The following ATP8B4 variants were observed in gnomAD, a reference collection of about 807,000 sequenced individuals.
ATP8B4 encodes the protein probable phospholipid-transporting ATPase IM.
In ATP8B4, 133 loss-of-function variants were observed where a neutral mutation model predicts 145.6. That is an observed-to-expected ratio of 0.91 (90% CI 0.79 to 1.05). The LOEUF is 1.05. ATP8B4 is among the 50% of genes least tolerant of loss of function. The pLI, the probability that ATP8B4 is intolerant of heterozygous loss-of-function variation, is 0.00. For missense variants in ATP8B4, 1,458 were observed against 1,425.2 expected (o/e 1.02, Z -0.37); for synonymous variants, 507 against 492.9 (o/e 1.03, Z -0.38).
chr15:49,881,862 A>T (rs147934232), intron 23 of ATP8B4, among the ~76,000 whole-genome samples: 228 of 152,386 alleles, frequency 1.5e-3, no homozygotes, highest in African/African-American at 5.1e-3. Flanking sequence ...GTACCAATGA[A>T]CTAACAAGAC....
At chr15:49,867,931 C>G (rs1031463187) in intron 25 of ATP8B4, among the ~76,000 whole-genome samples, 5 of 151,944 alleles carry the variant, frequency 3.3e-5, no homozygotes, top group Non-Finnish European at 7.4e-5. Context: ...CAATAGAGAA[C>G]AAAGACTTGG....
intron 11 of ATP8B4, among the ~76,000 whole-genome samples, chr15:49,980,080 C>T (rs184196063): frequency 6.6e-6 from 1 of 152,240 alleles, no homozygotes; most frequent in African/African-American, 2.4e-5. Context: ...AAAATGGAAG[C>T]ACAAGAAAGA....
intron 4 of ATP8B4, 30 bp downstream of exon 4, chr15:50,047,321 G>A (rs1225174007): frequency 4.4e-6 from 6 of 1,348,326 alleles, no homozygotes; most frequent in African/African-American, 4.3e-5. Flanking sequence ...TAAACAAACA[G>A]ATAATAGAGA....
At chr15:50,016,107 G>C (rs967708788) in intron 6 of ATP8B4, among the ~76,000 whole-genome samples, 1 of 152,170 alleles carries the variant, frequency 6.6e-6, no homozygotes, top group Non-Finnish European at 1.5e-5. Context: ...ACACAATTTA[G>C]TCTTCCTATT....
At chr15:50,007,253 T>C (rs1433929199) in intron 7 of ATP8B4, among the ~76,000 whole-genome samples, 2 of 152,218 alleles carry the variant, frequency 1.3e-5, no homozygotes, top group Non-Finnish European at 2.9e-5. Context: ...CTAGAAGTTA[T>C]GCATCTGCAC....
chr15:49,913,714 T>G (rs2039463581), intron 20 of ATP8B4, among the ~76,000 whole-genome samples: 1 of 152,166 alleles, frequency 6.6e-6, no homozygotes, highest in Non-Finnish European at 1.5e-5. Context: ...GTAGTGTTTC[T>G]ATACACCAAT....
chr15:50,046,293 C>A (rs1175885928), intron 4 of ATP8B4, among the ~76,000 whole-genome samples: 1 of 152,164 alleles, frequency 6.6e-6, no homozygotes, highest in Non-Finnish European at 1.5e-5. Flanking sequence ...CTCTCCCCCT[C>A]CCCCTCTCTG....
chr15:50,014,324 T>C (rs1249920414), intron 6 of ATP8B4, among the ~76,000 whole-genome samples: 2 of 152,142 alleles, frequency 1.3e-5, no homozygotes, highest in Non-Finnish European at 2.9e-5. Context: ...GCTCATACAC[T>C]TTTTTTGTTC....
intron 7 of ATP8B4, among the ~76,000 whole-genome samples, chr15:50,003,505 C>T (rs919208865): frequency 1.3e-5 from 2 of 151,882 alleles, no homozygotes; most frequent in South Asian, 2.1e-4. Flanking sequence ...AAAGTGATGC[C>T]GCTCTTGGGC....
intron 14 of ATP8B4, among the ~76,000 whole-genome samples, chr15:49,950,457 A>T (rs1211229538): frequency 3.3e-5 from 5 of 151,908 alleles, no homozygotes; most frequent in Admixed American, 6.6e-5. Flanking sequence ...AGAGGTGTTT[A>T]TAGTATTCTC....
intron 14 of ATP8B4, among the ~76,000 whole-genome samples, chr15:49,946,747 G>T (rs2042601234): frequency 6.6e-6 from 1 of 152,080 alleles, no homozygotes; most frequent in Admixed American, 6.5e-5. Context: ...TTATCATGGT[G>T]GTGTATTGAA....
chr15:49,954,149 G>C (rs2043344493), intron 14 of ATP8B4, among the ~76,000 whole-genome samples: 1 of 152,126 alleles, frequency 6.6e-6, no homozygotes, highest in Non-Finnish European at 1.5e-5. Context: ...CCCTACTTTT[G>C]AGGGTTTGGG....
At chr15:50,087,229 T>G (rs1483638555) in intron 2 of ATP8B4, among the ~76,000 whole-genome samples, 12 of 131,242 alleles carry the variant, frequency 9.1e-5, no homozygotes, top group African/African-American at 3.2e-4. Context: ...AGATCTATAT[T>G]TATTATATAT....
intron 1 of ATP8B4, among the ~76,000 whole-genome samples, chr15:50,137,590 G>A (rs1044198900): frequency 2.6e-5 from 4 of 152,144 alleles, no homozygotes; most frequent in African/African-American, 9.7e-5. Flanking sequence ...TGTCTCTGAG[G>A]GCAACAATGC....
At chr15:50,134,671 T>C (rs918796299) in intron 1 of ATP8B4, among the ~76,000 whole-genome samples, 12 of 152,186 alleles carry the variant, frequency 7.9e-5, no homozygotes, top group Non-Finnish European at 1.3e-4. Flanking sequence ...CCTAAGGCAG[T>C]GTCAACAAGA....
chr15:50,087,173 T>C (rs1172517540), intron 2 of ATP8B4, among the ~76,000 whole-genome samples: 1 of 128,564 alleles, frequency 7.8e-6, no homozygotes, highest in Non-Finnish European at 1.6e-5. Context: ...CTCTATTATA[T>C]ATAATAAATA....
At chr15:49,919,470 T>A (rs536773607) in intron 18 of ATP8B4, among the ~76,000 whole-genome samples, 1 of 152,264 alleles carries the variant, frequency 6.6e-6, no homozygotes, top group South Asian at 2.1e-4. Context: ...CAGGCTGGAG[T>A]GCAGTGGCGC....
chr15:50,052,025 C>G (rs775151791), intron 3 of ATP8B4, among the ~76,000 whole-genome samples: 17 of 152,230 alleles, frequency 1.1e-4, no homozygotes, highest in Non-Finnish European at 2.2e-4. Context: ...AGGGCTCCCC[C>G]TCCTGGAAAA....
intron 2 of ATP8B4, among the ~76,000 whole-genome samples, chr15:50,081,759 A>G (rs2054572642): frequency 6.6e-6 from 1 of 152,244 alleles, no homozygotes; most frequent in Non-Finnish European, 1.5e-5. Context: ...CGATCACAGC[A>G]AGTATGAATC....
Sources: allele counts gnomAD v4.1 joint callset (sites outside exome capture counted in the v4.1 genomes callset), GRCh38; gene constraint gnomAD v4.1.1; transcripts MANE v1.5; gene names NCBI Gene and HGNC (gene_info 2026-07-23, HGNC 2026-07-21).